CLYBL: variants seen among roughly 807,000 people sequenced by gnomAD.
The protein encoded by CLYBL is citramalyl-CoA lyase, also known as citramalyl-CoA lyase, mitochondrial.
In CLYBL, 31 loss-of-function variants were observed where a neutral mutation model predicts 38.9. The ratio of observed to expected loss-of-function variants is 0.80; its 90% CI spans 0.60 to 1.08. CLYBL has a LOEUF of 1.08. Ranked by LOEUF, CLYBL falls within the 50% of genes least tolerant of loss-of-function variation. The pLI, the probability that CLYBL is intolerant of heterozygous loss-of-function variation, is 0.00. For synonymous variants in CLYBL, 171 were observed against 158.6 expected (o/e 1.08, Z -0.59); for missense variants, 434 against 411.6 (o/e 1.05, Z -0.47).
chr13:99,608,554 G>A (rs1369693277), intron 1 of CLYBL, among the ~76,000 whole-genome samples: 1 of 152,068 alleles, frequency 6.6e-6, no homozygotes, highest in Non-Finnish European at 1.5e-5. Flanking sequence ...GTCCAGAAGG[G>A]TCCTTTTCTG....
intron 2 of CLYBL, among the ~76,000 whole-genome samples, chr13:99,853,672 A>C (rs2051386232): frequency 6.6e-6 from 1 of 152,154 alleles, no homozygotes; most frequent in Non-Finnish European, 1.5e-5. Flanking sequence ...AGTCACTACA[A>C]CAGTCTCTGA....
chr13:99,610,742 C>T lies in CLYBL; in HGVS notation c.62+3985C>T, dbSNP rs527551088. On this transcript the variant is annotated intron_variant, in intron 1 of 8. Coordinates refer to ENST00000339105, the MANE Select transcript of CLYBL (RefSeq NM_206808.5). ...GCCGGTATACAGCCCTGCACATGTG[C>T]GTGGCCTCCTAGAGTCTCAGGAACA... 4.7e-4 allele frequency among the ~76,000 whole-genome samples: 72 copies of T among 152,234 alleles called. No individual in the cohort carries two copies. The South Asian group carries it at 5.2e-3, about 11-fold the overall frequency.
At chr13:99,905,291 C>A (rs1303031512) in exon 9 of CLYBL, among the ~76,000 whole-genome samples, 2 of 152,146 alleles carry the variant, frequency 1.3e-5, no homozygotes, top group Non-Finnish European at 2.9e-5. Context: ...CTGCAATGAC[C>A]ATTACTGTAG....
At chr13:99,889,776 T>G (rs1013516205) in intron 7 of CLYBL, among the ~76,000 whole-genome samples, 3 of 152,194 alleles carry the variant, frequency 2.0e-5, no homozygotes, top group Admixed American at 1.3e-4. Flanking sequence ...AACCGTAAGT[T>G]ACTACCTCTC....
intron 1 of CLYBL, among the ~76,000 whole-genome samples, chr13:99,669,417 CA>C (rs1317942743): frequency 1.3e-5 from 2 of 152,140 alleles, no homozygotes; most frequent in African/African-American, 4.8e-5. Flanking sequence ...AAAAATTCCA[CA>C]AGCACATTAT....
intron 1 of CLYBL, among the ~76,000 whole-genome samples, chr13:99,752,426 G>C (rs2048974318): frequency 6.6e-6 from 1 of 152,208 alleles, no homozygotes; most frequent in Non-Finnish European, 1.5e-5. Flanking sequence ...CACATGGGCT[G>C]TGGAGTTGCA....
intron 1 of CLYBL, among the ~76,000 whole-genome samples, chr13:99,717,553 A>G (rs9517854): frequency 0.061 from 9,249 of 150,784 alleles, 472 homozygotes; most frequent in African/African-American, 0.14. Flanking sequence ...TCTGCCTCCC[A>G]GGCTCCCCGG....
intron 1 of CLYBL, among the ~76,000 whole-genome samples, chr13:99,661,944 A>G (rs563880702): frequency 1.3e-5 from 2 of 152,172 alleles, no homozygotes; most frequent in African/African-American, 2.4e-5. Flanking sequence ...CCTTTGTTTC[A>G]GGCCCAATCA....
intron 1 of CLYBL, among the ~76,000 whole-genome samples, chr13:99,734,322 A>G (rs148786312): frequency 2.0e-5 from 3 of 152,300 alleles, no homozygotes; most frequent in African/African-American, 7.2e-5. Context: ...CAAAACATAA[A>G]ACCGATCTGT....
Position 99,690,439 on chromosome 13 carries a change from T to TC in CLYBL, c.63-82380dup, listed in dbSNP as rs1169201924. On this transcript the variant is annotated intron_variant, in intron 1 of 8. Transcript: ENST00000339105. ...TGCCCCCCAAACCCAATCACCAACT[T>TC]CCCCCATCCCCAGCAAACACGGGCT... 11 of 152,140 alleles carry TC rather than the reference T, an allele frequency of 7.2e-5. No homozygotes were observed. The East Asian group carries it at 1.9e-3, about 27-fold the overall frequency. 9.4% of individuals were successfully genotyped at this position (152,140 alleles called of 1,614,324 possible). A position where few individuals can be genotyped will look rare whatever the true frequency, so the allele number is the denominator to read the frequency against.
intron 1 of CLYBL, among the ~76,000 whole-genome samples, chr13:99,737,004 CT>C (rs1363151561): frequency 6.6e-6 from 1 of 152,004 alleles, no homozygotes; most frequent in Non-Finnish European, 1.5e-5. Context: ...ATTTTTCTTT[CT>C]TTTTTAGATA....
chr13:99,632,560 A>G (rs2046960581), intron 1 of CLYBL, among the ~76,000 whole-genome samples: 1 of 152,044 alleles, frequency 6.6e-6, no homozygotes, highest in African/African-American at 2.4e-5. Flanking sequence ...TGGCCAACAT[A>G]GTGAAACCCC....
chr13:99,719,761 G>T (rs566344598), intron 1 of CLYBL, among the ~76,000 whole-genome samples: 1 of 152,270 alleles, frequency 6.6e-6, no homozygotes, highest in East Asian at 1.9e-4. Context: ...ACCCACCTCA[G>T]CCCCACAAAG....
intron 1 of CLYBL, among the ~76,000 whole-genome samples, chr13:99,735,940 C>A (rs1405300987): frequency 1.3e-5 from 2 of 151,446 alleles, no homozygotes; most frequent in Admixed American, 6.6e-5. Flanking sequence ...AGTCCTATAT[C>A]TCTTTTCAAC....
chr13:99,800,301 T>C (rs1246833042), intron 2 of CLYBL, among the ~76,000 whole-genome samples: 1 of 152,110 alleles, frequency 6.6e-6, no homozygotes, highest in Non-Finnish European at 1.5e-5. Context: ...ATATCAGGCT[T>C]TTTGGGGAGA....
intron 2 of CLYBL, among the ~76,000 whole-genome samples, chr13:99,796,679 T>G (rs1025977467): frequency 1.4e-4 from 21 of 152,208 alleles, no homozygotes; most frequent in African/African-American, 5.1e-4. Context: ...ATGAAGGTTA[T>G]TAACAGAGCC....
chr13:99,881,361 A>G (rs1300634076), intron 7 of CLYBL, among the ~76,000 whole-genome samples: 1 of 152,244 alleles, frequency 6.6e-6, no homozygotes, highest in Non-Finnish European at 1.5e-5. Flanking sequence ...AAGTGTAAAA[A>G]GATGAAAAAC....
At chr13:99,786,303 C>T (rs1051315978) in intron 2 of CLYBL, among the ~76,000 whole-genome samples, 3 of 151,426 alleles carry the variant, frequency 2.0e-5, no homozygotes, top group African/African-American at 7.3e-5. Flanking sequence ...GTGTGCTGCA[C>T]CCATTAACTT....
intron 1 of CLYBL, among the ~76,000 whole-genome samples, chr13:99,689,358 A>G (rs912964207): frequency 3.3e-5 from 5 of 152,248 alleles, no homozygotes; most frequent in African/African-American, 1.2e-4. Context: ...GTTTTGAACT[A>G]TATTCTTGCA....
Sources: gnomAD v4.1 joint callset for allele counts (sites outside exome capture counted in the v4.1 genomes callset) on GRCh38, gnomAD v4.1.1 for gene constraint, MANE v1.5 for transcripts, NCBI Gene and HGNC (gene_info 2026-07-23, HGNC 2026-07-21) for gene names.